The following ROCK2 variants were observed in gnomAD, a reference collection of about 807,000 sequenced individuals.
ROCK2 encodes rho-associated protein kinase 2.
ROCK2 carries 61 observed loss-of-function variants against 195.1 expected under a neutral mutation model. That is an observed-to-expected ratio of 0.31 (90% CI 0.25 to 0.39). ROCK2 has a LOEUF of 0.39. Ranked by LOEUF, ROCK2 falls within the 10% of genes least tolerant of loss-of-function variation. ROCK2 has a pLI of 1.00. For missense variants in ROCK2, 1,109 were observed against 1,637.4 expected (o/e 0.68, Z 5.57); for synonymous variants, 504 against 545.5 (o/e 0.92, Z 1.06).
At chr2:11,225,517 C>G (rs1664779613) in intron 6 of ROCK2, among the ~76,000 whole-genome samples, 1 of 151,296 alleles carries the variant, frequency 6.6e-6, no homozygotes, top group Non-Finnish European at 1.5e-5. Context: ...TTTATTATTA[C>G]TTTTTTAGAC....
intron 18 of ROCK2, 89 bp downstream of exon 18, chr2:11,211,592 T>A (rs1664248699): frequency 8.3e-7 from 1 of 1,202,756 alleles, no homozygotes; most frequent in East Asian, 2.5e-5. Flanking sequence ...CAATGAAATA[T>A]AAAAAAAAAT....
At chr2:11,216,015 C>A in intron 13 of ROCK2, 143 bp downstream of exon 13, 1 of 664,864 alleles carries the variant, frequency 1.5e-6, no homozygotes, top group Admixed American at 2.7e-5. Context: ...CATGATTTCC[C>A]TATAATTTAG....
intron 1 of ROCK2, among the ~76,000 whole-genome samples, chr2:11,295,762 G>A (rs1667491094): frequency 6.6e-6 from 1 of 152,000 alleles, no homozygotes; most frequent in Admixed American, 6.6e-5. Flanking sequence ...TTTGACACCT[G>A]CCTGGCCAAC....
rs1669207390 is a variant in ROCK2 at position 11,344,215 on chromosome 2, A to C, written c.-79T>G. ...CGGGGCCTAGCACCGCCCCCGAACCACCAGCTCCGGCCGGGACTCCACCCG... is the reference window on the plus strand; with the variant it reads ...CGGGGCCTAGCACCGCCCCCGAACCCCCAGCTCCGGCCGGGACTCCACCCG... On this transcript the variant is annotated 5_prime_UTR_variant, in exon 1 of 33. Coordinates refer to ENST00000315872, the MANE Select transcript of ROCK2 (RefSeq NM_004850.5). This position sits in a 1 kb window ranked among gnomAD's most constrained non-coding sequence, Gnocchi z 5.4. The C allele has an allele frequency of 7.5e-7, 1 of 1,325,072 alleles. No individual in the cohort carries two copies. The highest frequency in any genetic ancestry group is 9.6e-7 in the Non-Finnish European group (1 of 1,040,938). 82.1% of individuals were successfully genotyped at this position (1,325,072 alleles called of 1,614,324 possible).
At chr2:11,252,296 A>G (rs1049501351) in intron 3 of ROCK2, among the ~76,000 whole-genome samples, 2 of 152,008 alleles carry the variant, frequency 1.3e-5, no homozygotes, top group Non-Finnish European at 2.9e-5. Flanking sequence ...CTGTAATCCC[A>G]GGTACCTGGG....
In ROCK2 at chr2:11,243,674, A is replaced by G. The variant is rs548839177; in HGVS notation, c.462+5987T>C. On this transcript the variant is annotated intron_variant, in intron 4 of 32. Transcript: ENST00000315872. ...TACAGTATAATTCATGTACTCCTCCAAACTGTCAAGGTCATCAAAAACAAG... is the reference window on the plus strand; with the variant it reads ...TACAGTATAATTCATGTACTCCTCCGAACTGTCAAGGTCATCAAAAACAAG... 4.9e-4 allele frequency among the ~76,000 whole-genome samples: 74 copies of G among 152,320 alleles called. 1 individual carries two copies. In the South Asian group the frequency reaches 0.011, roughly 23 times the overall value.
rs560231705 is a variant in ROCK2, at chr2:11,269,384, C to T, written c.324+17155G>A. ...AAAACTAGCCAGGTGTGGTGACAGG[C>T]GCCTGTAATACTAGCTACTCAGGAG... On this transcript the variant is annotated intron_variant, in intron 3 of 32. Coordinates refer to ENST00000315872, the MANE Select transcript of ROCK2 (RefSeq NM_004850.5). 1.1e-4 allele frequency among the ~76,000 whole-genome samples: 16 copies of T among 151,918 alleles called. No individual in the cohort carries two copies. The East Asian group carries it at 2.1e-3, about 20-fold the overall frequency.
intron 18 of ROCK2, 25 bp from the exon 19 acceptor site, chr2:11,208,472 T>A (rs769789666): frequency 7.4e-7 from 1 of 1,360,386 alleles, no homozygotes; most frequent in South Asian, 1.7e-5. Context: ...ATGGACACAA[T>A]CATAAATTTA....
intron 3 of ROCK2, among the ~76,000 whole-genome samples, chr2:11,250,784 T>C (rs748262940): frequency 3.9e-5 from 6 of 152,344 alleles, no homozygotes; most frequent in South Asian, 2.1e-4. Flanking sequence ...CCTCCACTGA[T>C]ACCACCCTGG....
intron 20 of ROCK2, among the ~76,000 whole-genome samples, chr2:11,204,723 A>C (rs1663989203): frequency 6.6e-6 from 1 of 152,188 alleles, no homozygotes; most frequent in Non-Finnish European, 1.5e-5. Flanking sequence ...GCTCGTTCCT[A>C]TTCTGGCTGT....
intron 7 of ROCK2, among the ~76,000 whole-genome samples, chr2:11,222,662 A>C (rs1664676320): frequency 6.6e-6 from 1 of 152,162 alleles, no homozygotes; most frequent in African/African-American, 2.4e-5. Flanking sequence ...CTCTACATGT[A>C]TATTAAACTT....
At chr2:11,262,644 T>G (rs550238083) in intron 3 of ROCK2, among the ~76,000 whole-genome samples, 8 of 152,316 alleles carry the variant, frequency 5.3e-5, no homozygotes, top group East Asian at 1.9e-4. Context: ...ATGTAAGATG[T>G]GACTTGCTGC....
rs1558370127 is a variant in ROCK2 at position 11,296,052 on chromosome 2, A to AGAGAGAGAG, written c.142-8317_142-8316insCTCTCTCTC. On this transcript the variant is annotated intron_variant, in intron 1 of 32. Coordinates refer to ENST00000315872, the MANE Select transcript of ROCK2 (RefSeq NM_004850.5). ...AGAGAGAGAGAGAGAGAGAGAGAGA[A>AGAGAGAGAG]AACAAAGGGTCTCAAAGCAGAATAA... Among the ~76,000 whole-genome samples the AGAGAGAGAG allele has an allele frequency of 3.8e-4, 18 of 47,908 alleles. 1 individual carries two copies. Among genetic ancestry groups the AGAGAGAGAG allele is most frequent in the Non-Finnish European group, 7.6e-4 (18 of 23,698 alleles). 31.4% of individuals were successfully genotyped at this position (47,908 alleles called of 152,430 possible). A position where few individuals can be genotyped will look rare whatever the true frequency, so the allele number is the denominator to read the frequency against.
At chr2:11,183,613 G>C (rs1558269391) in intron 32 of ROCK2, among the ~76,000 whole-genome samples, 173 bp from the exon 33 acceptor site, 1 of 151,972 alleles carries the variant, frequency 6.6e-6, no homozygotes, top group Non-Finnish European at 1.5e-5. Context: ...TTTCCTATAG[G>C]TACAACATGC....
chr2:11,191,669 ATAT>A (rs1663427977), intron 32 of ROCK2, among the ~76,000 whole-genome samples: 1 of 152,246 alleles, frequency 6.6e-6, no homozygotes. Context: ...GCTGAAAATT[ATAT>A]TATTATACAG....
At chr2:11,254,727 T>TAAAAAAAAAAA (rs10640683) in intron 3 of ROCK2, among the ~76,000 whole-genome samples, 4 of 39,130 alleles carry the variant, frequency 1.0e-4, no homozygotes, top group Non-Finnish European at 1.3e-4. Flanking sequence ...CCCTGTCTCT[T>TAAAAAAAAAAA]AAAAAAAAAA....
chr2:11,295,968 G>GAGAGAGAGAT (rs1304616214), intron 1 of ROCK2, among the ~76,000 whole-genome samples: 1 of 70,622 alleles, frequency 1.4e-5, no homozygotes, highest in Non-Finnish European at 3.0e-5. Flanking sequence ...AAAAACAAAA[G>GAGAGAGAGAT]AGAGAGAGAG....
At chr2:11,334,990 C>T (rs1352002442) in intron 1 of ROCK2, among the ~76,000 whole-genome samples, 1 of 151,988 alleles carries the variant, frequency 6.6e-6, no homozygotes, top group Non-Finnish European at 1.5e-5. Context: ...GAACAAACAG[C>T]CCATACCTTA....
At chr2:11,247,485 A>G (rs1665658854) in intron 4 of ROCK2, among the ~76,000 whole-genome samples, 1 of 152,212 alleles carries the variant, frequency 6.6e-6, no homozygotes, top group African/African-American at 2.4e-5. Context: ...TACTTTTTCA[A>G]TTGTACTATG....
Sources: allele counts gnomAD v4.1 joint callset (sites outside exome capture counted in the v4.1 genomes callset), GRCh38; gene constraint gnomAD v4.1.1; non-coding constraint Gnocchi (gnomAD v3.1); transcripts MANE v1.5; gene names NCBI Gene and HGNC (gene_info 2026-07-23, HGNC 2026-07-21).